Variants in LRRC4C observed in about 807,000 individuals in gnomAD.
The protein encoded by LRRC4C is leucine rich repeat containing 4C, also known as leucine-rich repeat-containing protein 4C.
LRRC4C carries 5 observed loss-of-function variants against 33.6 expected under a neutral mutation model. That is an observed-to-expected ratio of 0.15 (90% CI 0.08 to 0.31). LRRC4C has a LOEUF of 0.31. Among genes scored for constraint, LRRC4C ranks in the 10% least tolerant of loss-of-function variants. The pLI, the probability that LRRC4C is intolerant of heterozygous loss-of-function variation, is 1.00. For missense variants in LRRC4C, 560 were observed against 796.7 expected, an observed-to-expected ratio of 0.70 and a Z score of 3.58; for synonymous variants, 329 against 302.0, an observed-to-expected ratio of 1.09 and a Z score of -0.93.
chr11:40,316,486 A>G (rs1041521393), intron 4 of LRRC4C, among the ~76,000 whole-genome samples: 1 of 151,984 alleles, frequency 6.6e-6, no homozygotes, highest in Non-Finnish European at 1.5e-5. Flanking sequence ...AGAAGTAAAC[A>G]TCAGTAGGGA....
intron 1 of LRRC4C, among the ~76,000 whole-genome samples, chr11:41,328,494 A>T (rs919940393): frequency 1.3e-5 from 2 of 152,014 alleles, no homozygotes; most frequent in African/African-American, 4.8e-5. Flanking sequence ...AGACAAAGCC[A>T]CCACACTCCA....
chr11:40,806,099 A>C (rs918405072), intron 2 of LRRC4C, among the ~76,000 whole-genome samples: 5 of 152,200 alleles, frequency 3.3e-5, no homozygotes, highest in African/African-American at 1.2e-4. Context: ...CATTTTTATA[A>C]AATTTTAAAA....
intron 1 of LRRC4C, among the ~76,000 whole-genome samples, chr11:41,411,570 A>G (rs1954492229): frequency 1.3e-5 from 2 of 152,312 alleles, no homozygotes; most frequent in South Asian, 4.1e-4. Flanking sequence ...AATCCATGTG[A>G]AAACAAGATT....
At chr11:41,237,779 C>T (rs1948085707) in intron 1 of LRRC4C, among the ~76,000 whole-genome samples, 1 of 152,076 alleles carries the variant, frequency 6.6e-6, no homozygotes, top group Admixed American at 6.6e-5. Flanking sequence ...GTCAACAGAG[C>T]TTTCAATTTT....
chr11:41,295,894 G>T (rs1294991835), intron 1 of LRRC4C, among the ~76,000 whole-genome samples: 1 of 152,230 alleles, frequency 6.6e-6, no homozygotes, highest in Non-Finnish European at 1.5e-5. Context: ...CCCTGCTCAA[G>T]TGGCTTGCCA....
intron 2 of LRRC4C, among the ~76,000 whole-genome samples, chr11:40,751,961 A>G (rs529741360): frequency 1.3e-5 from 2 of 152,240 alleles, no homozygotes; most frequent in South Asian, 2.1e-4. Context: ...TTTATAGCCA[A>G]TTGATTTTTG....
chr11:40,689,749 T>C (rs1945138397), intron 2 of LRRC4C, among the ~76,000 whole-genome samples: 1 of 152,108 alleles, frequency 6.6e-6, no homozygotes, highest in Non-Finnish European at 1.5e-5. Flanking sequence ...CTTTTAGGTT[T>C]CTATTATTGT....
chr11:41,069,411 T>C (rs533255290), intron 1 of LRRC4C, among the ~76,000 whole-genome samples: 70 of 152,318 alleles, frequency 4.6e-4, no homozygotes, highest in African/African-American at 1.6e-3. Flanking sequence ...TATTGGAAGT[T>C]CTGGCCAGGG....
At chr11:40,267,765 G>C (rs556900713) in intron 4 of LRRC4C, among the ~76,000 whole-genome samples, 13 of 152,196 alleles carry the variant, frequency 8.5e-5, no homozygotes, top group African/African-American at 2.9e-4. Flanking sequence ...TCAAATACTT[G>C]GTTTGCTTCA....
At chr11:41,099,119 C>T (rs1941000426) in intron 1 of LRRC4C, among the ~76,000 whole-genome samples, 1 of 151,986 alleles carries the variant, frequency 6.6e-6, no homozygotes, top group African/African-American at 2.4e-5. Flanking sequence ...TGTATACCCT[C>T]CCAAGACTGA....
intron 2 of LRRC4C, among the ~76,000 whole-genome samples, chr11:40,796,632 ACT>A (rs1950836756): frequency 7.2e-6 from 1 of 138,496 alleles, no homozygotes; most frequent in East Asian, 2.0e-4. Flanking sequence ...GCTAAGCAGA[ACT>A]CTTTTTTTTT....
At chr11:40,855,292 T>C (rs1953725559) in intron 2 of LRRC4C, among the ~76,000 whole-genome samples, 1 of 152,242 alleles carries the variant, frequency 6.6e-6, no homozygotes, top group Admixed American at 6.5e-5. Flanking sequence ...TCTACTGAGA[T>C]GTTTTTACTA....
In LRRC4C at chr11:40,901,999, TACACACACA is replaced by T. The variant is rs1956225554; in HGVS notation, c.-407+31627_-407+31635del. On this transcript the variant is annotated intron_variant, in intron 2 of 6. Transcript: ENST00000528697. ...AAGACAATCTCTCTCTCTCTCTCTC[TACACACACA>T]CACACACACACACACACACACACAC... Among the ~76,000 whole-genome samples the T allele has an allele frequency of 2.9e-5, 4 of 139,738 alleles. No individual in the cohort carries two copies. The South Asian group carries it at 9.3e-4, about 33-fold the overall frequency. 91.7% of individuals were successfully genotyped at this position (139,738 alleles called of 152,430 possible).
intron 1 of LRRC4C, among the ~76,000 whole-genome samples, chr11:41,077,588 G>T (rs1939249780): frequency 6.6e-6 from 1 of 152,146 alleles, no homozygotes; most frequent in South Asian, 2.1e-4. Flanking sequence ...TGCACAGAGT[G>T]GCAGGGCCCT....
At chr11:40,771,423 T>C (rs1201912571) in intron 2 of LRRC4C, among the ~76,000 whole-genome samples, 1 of 152,186 alleles carries the variant, frequency 6.6e-6, no homozygotes, top group Non-Finnish European at 1.5e-5. Flanking sequence ...CCTAGGGCTC[T>C]GGGCCTATGA....
chr11:40,690,480 G>A (rs1945173264), intron 2 of LRRC4C, among the ~76,000 whole-genome samples: 1 of 152,078 alleles, frequency 6.6e-6, no homozygotes, highest in African/African-American at 2.4e-5. Flanking sequence ...AGACAGGCAA[G>A]GGAGTTGGAA....
intron 1 of LRRC4C, among the ~76,000 whole-genome samples, chr11:41,057,277 C>T (rs891624365): frequency 6.6e-6 from 1 of 152,202 alleles, no homozygotes; most frequent in African/African-American, 2.4e-5. Context: ...ACACTCGAGG[C>T]AGTGCTGAAA....
intron 3 of LRRC4C, among the ~76,000 whole-genome samples, chr11:40,543,044 T>C (rs1486841559): frequency 1.3e-5 from 2 of 152,124 alleles, no homozygotes; most frequent in African/African-American, 4.8e-5. Context: ...TCAGGCATAT[T>C]ATAGTTCCTT....
At chr11:40,706,709 A>G (rs1240591406) in intron 2 of LRRC4C, among the ~76,000 whole-genome samples, 6 of 152,112 alleles carry the variant, frequency 3.9e-5, no homozygotes, top group Admixed American at 3.3e-4. Flanking sequence ...TTTTGATTCC[A>G]TATGAACTTT....
Sources: gnomAD v4.1 joint callset for allele counts (sites outside exome capture counted in the v4.1 genomes callset) on GRCh38, gnomAD v4.1.1 for gene constraint, MANE v1.5 for transcripts, NCBI Gene and HGNC (gene_info 2026-07-23, HGNC 2026-07-21) for gene names.